Variants in HEMGN observed in about 807,000 individuals in gnomAD.
The protein encoded by HEMGN is erythroid differentiation-associated gene protein.
Under a neutral mutation model 45.7 loss-of-function variants are expected in HEMGN, and 32 were observed. That is an observed-to-expected ratio of 0.70 (90% CI 0.53 to 0.94). HEMGN has a LOEUF of 0.94. HEMGN is among the 40% of genes least tolerant of loss of function. The probability of loss-of-function intolerance (pLI) is 0.00; values close to 1 mark genes in which losing one functional copy is unlikely to be tolerated. For synonymous variants in HEMGN, 183 were observed against 178.6 expected (o/e 1.02, Z -0.20); for missense variants, 530 against 564.2 (o/e 0.94, Z 0.61).
intron 1 of HEMGN, among the ~76,000 whole-genome samples, chr9:97,936,798 G>A (rs1035135021): frequency 6.6e-6 from 1 of 152,074 alleles, no homozygotes; most frequent in Non-Finnish European, 1.5e-5. Flanking sequence ...CATTCCTCTT[G>A]GATTGAGCAT....
In HEMGN at chr9:97,927,086, G is replaced by T. The variant is rs1484219369; in HGVS notation, c.*298C>A. The T allele has an allele frequency of 1.9e-5, 4 of 208,568 alleles. No individual in the cohort carries two copies. The highest frequency in any genetic ancestry group is 1.2e-4 in the Admixed American group (2 of 17,272). 12.9% of individuals were successfully genotyped at this position (208,568 alleles called of 1,614,324 possible). On this transcript the variant is annotated 3_prime_UTR_variant, in exon 4 of 4. Coordinates refer to ENST00000616898, the MANE Select transcript of HEMGN (RefSeq NM_197978.3). ...TTAAGACGTAAATAAATGTTCTTAG[G>T]GGGGAAAACCAATTATCCAGTCCTC...
At chr9:97,942,960 C>CA (rs2131560168), upstream of HEMGN, among the ~76,000 whole-genome samples, 1 of 152,264 alleles carries the variant, frequency 6.6e-6, no homozygotes, top group South Asian at 2.1e-4. Flanking sequence ...ATGCCATAGT[C>CA]AGAGAGCCAT....
At position 97,938,113 on chromosome 9, in the gene HEMGN, A is replaced by T; in HGVS notation, c.24T>A (p.Ser8=). The change falls in exon 1 of 4, where the codon TCT becomes TCA. Residue 8 remains serine (S), a synonymous_variant. Coordinates refer to ENST00000616898, the MANE Select transcript of HEMGN (RefSeq NM_197978.3). MDLGKDQ[S]HLKHHQTPDP... ...CAGGTGTCTGATGGTGCTTCAAATG[A>T]GATTGGTCCTTTCCCAAATCCATCT... 6.2e-7 allele frequency: 1 copy of T among 1,612,738 alleles called. No homozygotes were observed. The highest frequency in any genetic ancestry group is 8.5e-7 in the Non-Finnish European group (1 of 1,179,098).
chr9:97,938,094 T>C lies in HEMGN; in HGVS notation c.43A>G (p.Thr15Ala). 6.2e-7 allele frequency: 1 copy of C among 1,613,224 alleles called. No homozygotes were observed. The highest frequency in any genetic ancestry group is 8.5e-7 in the Non-Finnish European group (1 of 1,179,328). The stretch of plus-strand genomic sequence containing the variant: ...TTCTCTTCTTGATGAGGGTCAGGTG[T>C]CTGATGGTGCTTCAAATGAGATTGG... ...KDQSHLKHHQ[T>A]PDPHQEENHS... is the part of the protein sequence containing the mutation. The change falls in exon 1 of 4, where the codon ACA becomes GCA. Residue 15 changes from threonine (T) to alanine (A), a missense_variant. Transcript: ENST00000616898.
Position 97,930,438 on chromosome 9 carries a change from A to C in HEMGN, c.957T>G (p.Ala319=). ...TTTTATGAGGAAGGTATTTAGGTTC[A>C]GCTGATTCTTGGTGTGTTTTTGTAG... ...DLSTKTHQES[A]EPKYLPHKTC... is the part of the protein sequence containing the mutation. Residue 319 remains alanine, a synonymous_variant, in exon 3 of 4, where the codon GCT becomes GCG. Transcript: ENST00000616898. 2 of 1,614,142 alleles carry C rather than the reference A, an allele frequency of 1.2e-6. No homozygotes were observed. The highest frequency in any genetic ancestry group is 1.7e-6 in the Non-Finnish European group (2 of 1,180,008).
At position 97,927,114 on chromosome 9, in the gene HEMGN, C is replaced by G. The variant is rs950440984; in HGVS notation, c.*270G>C. 8.6e-5 allele frequency: 22 copies of G among 255,366 alleles called. No individual in the cohort carries two copies. The highest frequency in any genetic ancestry group is 1.2e-3 in the Middle Eastern group (1 of 846). The allele number at this position is 255,366 out of a possible 1,614,324, so 15.8% of individuals were successfully genotyped here. ...GGAAAACCAATTATCCAGTCCTCCC[C>G]GCTTCCTTATTTGTCTGTTCCCACC... On this transcript the variant is annotated 3_prime_UTR_variant, in exon 4 of 4. Coordinates refer to ENST00000616898, the MANE Select transcript of HEMGN (RefSeq NM_197978.3).
Position 97,931,487 on chromosome 9 carries a change from C to T in HEMGN, c.174-266G>A, listed in dbSNP as rs1305222971. On this transcript the variant is annotated intron_variant, in intron 2 of 3. Transcript: ENST00000616898. The stretch of plus-strand genomic sequence containing the variant: ...GCCTTCTTGGTGAGGGTAGTGCATG[C>T]GCGTATGCGTGCGTGCGTGTGTTAT... Among the ~76,000 whole-genome samples the T allele has an allele frequency of 5.3e-5, 8 of 152,288 alleles. 1 individual carries two copies. Among genetic ancestry groups the T allele is most frequent in the Admixed American group, 3.9e-4 (6 of 15,296 alleles).
rs772599187 is a variant in HEMGN, at chr9:97,930,045, AG to A, written c.1349del (p.Thr450IlefsTer6). The A allele has an allele frequency of 1.2e-6, 2 of 1,612,486 alleles. No homozygotes were observed. Among genetic ancestry groups the A allele is most frequent in the Non-Finnish European group, 1.7e-6 (2 of 1,179,430 alleles). The part of the protein sequence containing the change: ...AHQEDAKDAY[T>X]FPQEMKEKPK... ...ATAAACAGCCCTTACCTTGAGGAAA[AG>A]TATAAGCATCTTTAGCATCTTCCTG... On this transcript the variant is annotated frameshift_variant, in exon 3 of 4. Transcript: ENST00000616898. LOFTEE classifies it low-confidence loss of function (END_TRUNC).
In HEMGN at chr9:97,930,335, T is replaced by C; in HGVS notation, c.1060A>G (p.Ile354Val). 3.7e-6 allele frequency: 6 copies of C among 1,613,634 alleles called. No homozygotes were observed. Among genetic ancestry groups the C allele is most frequent in the Non-Finnish European group, 5.1e-6 (6 of 1,179,930 alleles). The change falls in exon 3 of 4, where the codon ATT becomes GTT. Residue 354 changes from isoleucine to valine, a missense_variant. Physicochemically the swap from Ile to Val is conservative, Grantham distance 29 (BLOSUM62 3). Transcript: ENST00000616898. ...QETPHSEDYSIEINQETPGSE... is the reference protein window; with the variant it reads ...QETPHSEDYSVEINQETPGSE... ...CCAGGAGTTTCTTGGTTTATTTCAA[T>C]TGAATAGTCTTCAGAATGAGGTGTT...
upstream of HEMGN, among the ~76,000 whole-genome samples, chr9:97,942,274 C>CTTTTTTT (rs56055830): frequency 2.3e-4 from 30 of 128,174 alleles, no homozygotes; most frequent in South Asian, 2.5e-4. Flanking sequence ...CTAATTCCTT[C>CTTTTTTT]TTTTTTTTTT....
chr9:97,928,637 C>G (rs766198083), intron 3 of HEMGN, among the ~76,000 whole-genome samples: 2 of 152,046 alleles, frequency 1.3e-5, no homozygotes, highest in Admixed American at 6.6e-5. Flanking sequence ...TAAAATAAAC[C>G]ACATAAAATA....
upstream of HEMGN, among the ~76,000 whole-genome samples, chr9:97,940,321 A>G (rs1827133440): frequency 6.6e-6 from 1 of 152,198 alleles, no homozygotes; most frequent in Non-Finnish European, 1.5e-5. Flanking sequence ...ATATCCTGCT[A>G]CAACCTACCT....
intron 2 of HEMGN, among the ~76,000 whole-genome samples, chr9:97,931,760 C>G (rs1826958149): frequency 6.6e-6 from 1 of 152,042 alleles, no homozygotes; most frequent in Non-Finnish European, 1.5e-5. Flanking sequence ...TTCTAAGTTG[C>G]TACAGTATAT....
upstream of HEMGN, among the ~76,000 whole-genome samples, chr9:97,940,315 C>A (rs1464658450): frequency 6.6e-6 from 1 of 152,100 alleles, no homozygotes; most frequent in African/African-American, 2.4e-5. Flanking sequence ...TTCTTTATAT[C>A]CTGCTACAAC....
chr9:97,930,434 G>C lies in HEMGN; in HGVS notation c.961C>G (p.Pro321Ala), dbSNP rs773436157. 3.1e-6 allele frequency: 5 copies of C among 1,614,126 alleles called. No homozygotes were observed. The highest frequency in any genetic ancestry group is 2.2e-5 in the East Asian group (1 of 44,880). The change falls in exon 3 of 4, where the codon CCT becomes GCT. Residue 321 changes from proline (P) to alanine (A), a missense_variant. By Grantham distance (27) the Pro-to-Ala change is conservative. Transcript: ENST00000616898. ...STKTHQESAEPKYLPHKTCNE... is the reference protein window; with the variant it reads ...STKTHQESAEAKYLPHKTCNE... Reference sequence around the variant, plus strand: ...CATGTTTTATGAGGAAGGTATTTAGGTTCAGCTGATTCTTGGTGTGTTTTT... The same window carrying C: ...CATGTTTTATGAGGAAGGTATTTAGCTTCAGCTGATTCTTGGTGTGTTTTT...
chr9:97,933,570 A>C (rs900250939), intron 2 of HEMGN, among the ~76,000 whole-genome samples: 1 of 152,228 alleles, frequency 6.6e-6, no homozygotes, highest in Non-Finnish European at 1.5e-5. Context: ...TAATACACAC[A>C]GACTAAATGC....
In HEMGN at chr9:97,931,105, A is replaced by T; in HGVS notation, c.290T>A (p.Val97Glu). 1 of 1,612,256 alleles carries T rather than the reference A, an allele frequency of 6.2e-7. No homozygotes were observed. Among genetic ancestry groups the T allele is most frequent in the East Asian group, 2.3e-5 (1 of 43,404 alleles). ...CTCTATAGGTGCCAGTGCTTTCTCC[A>T]CTATTTCCTTTTCTATCTGTGGCTG... ...EPQPQIEKEI[V>E]EKALAPIEKK... The change falls in exon 3 of 4, where the codon GTG (valine) becomes GAG (glutamate). Residue 97 changes from valine (V) to glutamate (E), a missense_variant. Coordinates refer to ENST00000616898, the MANE Select transcript of HEMGN (RefSeq NM_197978.3).
intron 3 of HEMGN, 38 bp downstream of exon 3, chr9:97,929,997 G>A (rs1413365925): frequency 2.1e-6 from 3 of 1,447,042 alleles, no homozygotes; most frequent in African/African-American, 1.4e-5. Flanking sequence ...CTACTCTGGG[G>A]GAGATGTACC....
In HEMGN at chr9:97,927,324, T is replaced by C; in HGVS notation, c.*60A>G. ...AAAGTTTTACAATATTTTGAGAAAA[T>C]CACGCATAAACTATTAAGCTGTATG... On this transcript the variant is annotated 3_prime_UTR_variant, in exon 4 of 4. Transcript: ENST00000616898. 1 of 887,138 alleles carries C rather than the reference T, an allele frequency of 1.1e-6. No individual in the cohort carries two copies. The highest frequency in any genetic ancestry group is 2.3e-4 in the Middle Eastern group (1 of 4,278). 55.0% of individuals were successfully genotyped at this position (887,138 alleles called of 1,614,324 possible). A position where few individuals can be genotyped will look rare whatever the true frequency, so the allele number is the denominator to read the frequency against.
Sources: gnomAD v4.1 joint callset for allele counts (sites outside exome capture counted in the v4.1 genomes callset) on GRCh38, gnomAD v4.1.1 for gene constraint, MANE v1.5 for transcripts, NCBI Gene and HGNC (gene_info 2026-07-23, HGNC 2026-07-21) for gene names.